ERC2: variants seen among roughly 807,000 people sequenced by gnomAD.
ERC2 encodes the protein ELKS/RAB6-interacting/CAST family member 2.
Under a neutral mutation model 114.8 loss-of-function variants are expected in ERC2, and 42 were observed. The observed-to-expected ratio is 0.37, with a 90% confidence interval of 0.29 to 0.47. ERC2 has a LOEUF of 0.47. Among genes scored for constraint, ERC2 ranks in the 20% least tolerant of loss-of-function variants. ERC2 has a pLI of 0.99. For missense variants in ERC2, 939 were observed against 1,150.7 expected (o/e 0.82, Z 2.66); for synonymous variants, 454 against 425.5 (o/e 1.07, Z -0.82).
chr3:55,735,911 C>T (rs1409347634), intron 14 of ERC2, among the ~76,000 whole-genome samples: 1 of 152,160 alleles, frequency 6.6e-6, no homozygotes. Context: ...ATTACACTAC[C>T]ATCCACTAAG....
chr3:55,564,667 G>A (rs1464549674), intron 17 of ERC2, among the ~76,000 whole-genome samples: 1 of 152,200 alleles, frequency 6.6e-6, no homozygotes, highest in East Asian at 1.9e-4. Context: ...ATAGCCATCT[G>A]TCTAAATTCT....
intron 7 of ERC2, among the ~76,000 whole-genome samples, chr3:56,070,151 G>T (rs558586445): frequency 6.6e-6 from 1 of 152,298 alleles, no homozygotes; most frequent in East Asian, 1.9e-4. Context: ...TCACAGCAAA[G>T]CAGAGTCCAT....
intron 2 of ERC2, among the ~76,000 whole-genome samples, chr3:56,302,513 A>AT (rs140316437): frequency 0.022 from 3,311 of 152,342 alleles, 42 homozygotes; most frequent in South Asian, 0.063. Flanking sequence ...AAGGACCAGG[A>AT]TACAATACAA....
chr3:55,684,469 G>A (rs986676382), intron 16 of ERC2, among the ~76,000 whole-genome samples: 2 of 152,146 alleles, frequency 1.3e-5, no homozygotes, highest in African/African-American at 4.8e-5. Context: ...CATGAAAGAG[G>A]ATGCACTGGC....
intron 3 of ERC2, among the ~76,000 whole-genome samples, chr3:56,191,005 T>G (rs2083962429): frequency 6.6e-6 from 1 of 152,106 alleles, no homozygotes; most frequent in Non-Finnish European, 1.5e-5. Flanking sequence ...AAAAAGGGTG[T>G]GTATCCTGAC....
chr3:56,183,100 A>T (rs902493685), intron 3 of ERC2, among the ~76,000 whole-genome samples: 1 of 152,204 alleles, frequency 6.6e-6, no homozygotes, highest in South Asian at 2.1e-4. Context: ...TGAACTTTGG[A>T]TCCAATAACC....
chr3:55,562,260 C>T (rs1417882012), intron 17 of ERC2, among the ~76,000 whole-genome samples: 3 of 152,034 alleles, frequency 2.0e-5, no homozygotes, highest in Non-Finnish European at 4.4e-5. Flanking sequence ...TCAAGCGATT[C>T]TCTTGCCTCA....
At chr3:55,702,179 T>C (rs551772346) in intron 15 of ERC2, among the ~76,000 whole-genome samples, 4 of 152,256 alleles carry the variant, frequency 2.6e-5, no homozygotes, top group Non-Finnish European at 4.4e-5. Context: ...TGTTGGAGAG[T>C]AGGCATGTCA....
intron 13 of ERC2, among the ~76,000 whole-genome samples, chr3:55,946,916 T>C (rs2067160035): frequency 6.6e-6 from 1 of 152,194 alleles, no homozygotes; most frequent in Non-Finnish European, 1.5e-5. Context: ...TGCCACCTCT[T>C]TCCAATGAGT....
intron 17 of ERC2, among the ~76,000 whole-genome samples, chr3:55,627,883 C>CTTTTTTTTTTT (rs10714648): frequency 1.2e-5 from 1 of 82,576 alleles, no homozygotes; most frequent in African/African-American, 4.8e-5. Context: ...GGACTTGGTG[C>CTTTTTTTTTTT]TTTTTTTTTT....
chr3:56,429,063 A>T lies in ERC2; in HGVS notation c.657+5288T>A, dbSNP rs145985083. ...ACAATTGCACAAAATACCGAGGAAT[A>T]TGAAAAGTCAGTAACTCTTATGTAC... On this transcript the variant is annotated intron_variant, in intron 2 of 17. Coordinates refer to ENST00000288221, the MANE Select transcript of ERC2 (RefSeq NM_015576.3). Among the ~76,000 whole-genome samples the T allele has an allele frequency of 1.2e-4, 19 of 152,362 alleles. No homozygotes were observed. The East Asian group carries it at 3.7e-3, about 29-fold the overall frequency.
Position 55,543,457 on chromosome 3 carries a change from C to T in ERC2, c.*40-32181G>A, listed in dbSNP as rs554125874. On this transcript the variant is annotated intron_variant, in intron 17 of 17. Transcript: ENST00000288221. Reference sequence around the variant, plus strand: ...TGAGTGAGTGGCCAGGTCACTGCAGCGCTCTCCCCAGCCTGGCTCCAGTGC... The same window carrying T: ...TGAGTGAGTGGCCAGGTCACTGCAGTGCTCTCCCCAGCCTGGCTCCAGTGC... Among the ~76,000 whole-genome samples, 6 of 152,340 alleles carry T rather than the reference C, an allele frequency of 3.9e-5. No individual in the cohort carries two copies. The East Asian group carries it at 7.7e-4, about 20-fold the overall frequency.
At chr3:56,045,401 T>C (rs1364185523) in intron 7 of ERC2, among the ~76,000 whole-genome samples, 1 of 152,180 alleles carries the variant, frequency 6.6e-6, no homozygotes, top group Non-Finnish European at 1.5e-5. Flanking sequence ...TCTTTAACAG[T>C]GTGTTCTACC....
intron 5 of ERC2, among the ~76,000 whole-genome samples, chr3:56,148,195 G>C (rs1032032085): frequency 6.6e-6 from 1 of 152,160 alleles, no homozygotes; most frequent in Non-Finnish European, 1.5e-5. Flanking sequence ...AAGAAACTGA[G>C]GCTTAGGGAA....
intron 1 of ERC2, among the ~76,000 whole-genome samples, chr3:56,449,755 A>G (rs1020212504): frequency 6.6e-6 from 1 of 152,222 alleles, no homozygotes; most frequent in Non-Finnish European, 1.5e-5. Context: ...ATTAAATGAG[A>G]TGATATAAGA....
chr3:56,412,921 G>A (rs2060998078), intron 2 of ERC2, among the ~76,000 whole-genome samples: 1 of 152,134 alleles, frequency 6.6e-6, no homozygotes, highest in African/African-American at 2.4e-5. Context: ...ATATTAACAG[G>A]ATTTATCTTT....
chr3:56,043,617 A>G (rs1054618436), intron 7 of ERC2, among the ~76,000 whole-genome samples: 62 of 152,296 alleles, frequency 4.1e-4, no homozygotes, highest in African/African-American at 1.4e-3. Context: ...CATGCAAATG[A>G]CTGATTCTGA....
intron 14 of ERC2, among the ~76,000 whole-genome samples, chr3:55,760,937 T>C (rs1454508517): frequency 2.0e-5 from 3 of 152,186 alleles, no homozygotes; most frequent in African/African-American, 7.2e-5. Context: ...AATGGTAAGA[T>C]GCAAATCTCC....
At chr3:56,068,181 G>A (rs1360026996) in intron 7 of ERC2, among the ~76,000 whole-genome samples, 1 of 152,036 alleles carries the variant, frequency 6.6e-6, no homozygotes, top group Non-Finnish European at 1.5e-5. Flanking sequence ...GCTTTTTTTG[G>A]TTGGCGGGCT....
Sources: allele counts gnomAD v4.1 joint callset (sites outside exome capture counted in the v4.1 genomes callset), GRCh38; gene constraint gnomAD v4.1.1; transcripts MANE v1.5; gene names NCBI Gene and HGNC (gene_info 2026-07-23, HGNC 2026-07-21).